The following CEMIP variants were observed in gnomAD, a reference collection of about 807,000 sequenced individuals.
The protein encoded by CEMIP is cell migration inducing hyaluronidase 1, also known as cell migration-inducing and hyaluronan-binding protein.
CEMIP carries 105 observed loss-of-function variants against 156.9 expected under a neutral mutation model. The observed-to-expected ratio is 0.67, with a 90% CI of 0.57 to 0.79. The LOEUF (loss-of-function observed/expected upper bound fraction) is 0.79. Ranked by LOEUF, CEMIP falls within the 30% of genes least tolerant of loss-of-function variation. CEMIP has a pLI of 0.00. For missense variants in CEMIP, 1,457 were observed against 1,769.4 expected (o/e 0.82, Z 3.17); for synonymous variants, 676 against 668.4 (o/e 1.01, Z -0.17).
At chr15:80,894,139 A>G (rs1230002925) in intron 10 of CEMIP, among the ~76,000 whole-genome samples, 2 of 152,176 alleles carry the variant, frequency 1.3e-5, no homozygotes, top group African/African-American at 4.8e-5. Flanking sequence ...GCTGGGGACA[A>G]GGGGGCAAAA....
intron 1 of CEMIP, among the ~76,000 whole-genome samples, chr15:80,815,696 T>C (rs898726708): frequency 6.6e-6 from 1 of 151,974 alleles, no homozygotes; most frequent in Non-Finnish European, 1.5e-5. Context: ...CTGTGCCTTT[T>C]AAAAAAAATT....
chr15:80,862,244 G>A (rs1898004467), intron 1 of CEMIP, among the ~76,000 whole-genome samples: 1 of 152,186 alleles, frequency 6.6e-6, no homozygotes, highest in African/African-American at 2.4e-5. Flanking sequence ...AGCCTGGGTT[G>A]GGCTGGTGGA....
intron 13 of CEMIP, among the ~76,000 whole-genome samples, chr15:80,908,510 T>C (rs1028140041): frequency 6.6e-6 from 1 of 152,186 alleles, no homozygotes; most frequent in Admixed American, 6.5e-5. Flanking sequence ...CAAGAGGTTT[T>C]CTTGAGCCTG....
chr15:80,842,070 G>A (rs377119567), intron 1 of CEMIP: 2 of 530,678 alleles, frequency 3.8e-6, no homozygotes, highest in African/African-American at 3.9e-5. Context: ...TGAGTTGCAT[G>A]TCTATCAGAA....
chr15:80,891,093 T>C (rs1899019362), intron 10 of CEMIP, among the ~76,000 whole-genome samples: 1 of 152,208 alleles, frequency 6.6e-6, no homozygotes, highest in Non-Finnish European at 1.5e-5. Context: ...ATCCCTCCAG[T>C]TCACTTGACC....
At chr15:80,812,650 A>G (rs1896697701) in intron 1 of CEMIP, among the ~76,000 whole-genome samples, 1 of 152,224 alleles carries the variant, frequency 6.6e-6, no homozygotes, top group South Asian at 2.1e-4. Flanking sequence ...TTACATTGGA[A>G]GAATTCTCAT....
rs558364816 is a variant in CEMIP at position 80,940,857 on chromosome 15, CTT to C, written c.3408-991_3408-990del. Among the ~76,000 whole-genome samples, 55 of 152,328 alleles carry C rather than the reference CTT, an allele frequency of 3.6e-4. 1 individual carries two copies. The South Asian group carries it at 0.011, about 31-fold the overall frequency. On this transcript the variant is annotated intron_variant, in intron 25 of 29. Coordinates refer to ENST00000394685, the MANE Select transcript of CEMIP (RefSeq NM_001293298.2). ...ACACATACGCACACACGCATGGCCT[CTT>C]GTTTCAGCTACTTGCTGCAAACTGC... is the stretch of plus-strand genomic sequence containing the variant.
chr15:80,780,315 A>G (rs532203964), intron 1 of CEMIP, among the ~76,000 whole-genome samples: 110 of 152,264 alleles, frequency 7.2e-4, no homozygotes, highest in African/African-American at 2.6e-3. Flanking sequence ...CGGCTCCAAG[A>G]AAGGTCGCGT....
intron 14 of CEMIP, among the ~76,000 whole-genome samples, chr15:80,916,353 C>T (rs11072955): frequency 0.73 from 111,326 of 152,130 alleles, 44,006 homozygotes; most frequent in Non-Finnish European, 0.87. Context: ...CTGGACCACA[C>T]GTAACAACAA....
chr15:80,790,814 G>T (rs941989065), intron 1 of CEMIP, among the ~76,000 whole-genome samples: 2 of 152,180 alleles, frequency 1.3e-5, no homozygotes, highest in African/African-American at 4.8e-5. Flanking sequence ...ATTCTTTCTA[G>T]ATACTTGGGT....
At position 80,951,544 on chromosome 15, in the gene CEMIP, T is replaced by C. The variant is rs1289409877; in HGVS notation, c.*2620T>C. 1 of 152,672 alleles carries C rather than the reference T, an allele frequency of 6.5e-6. No homozygotes were observed. Among genetic ancestry groups the C allele is most frequent in the East Asian group, 1.9e-4 (1 of 5,204 alleles). The allele number at this position is 152,672 out of a possible 1,614,324, so 9.5% of individuals were successfully genotyped here. A position where few individuals can be genotyped will look rare whatever the true frequency, so the allele number is the denominator to read the frequency against. ...GGGAGTTAGATGTATAGAGTGTTTG[T>C]ATGTAAACATTTCTTGTAGGCATCA... On this transcript the variant is annotated 3_prime_UTR_variant, in exon 30 of 30. Coordinates refer to ENST00000394685, the MANE Select transcript of CEMIP (RefSeq NM_001293298.2).
intron 6 of CEMIP, among the ~76,000 whole-genome samples, chr15:80,883,749 G>C (rs1898740583): frequency 6.6e-6 from 1 of 152,174 alleles, no homozygotes; most frequent in African/African-American, 2.4e-5. Context: ...GTTTTACTCG[G>C]ATCAGAGATA....
At chr15:80,805,016 G>A (rs1896478314) in intron 1 of CEMIP, among the ~76,000 whole-genome samples, 1 of 152,144 alleles carries the variant, frequency 6.6e-6, no homozygotes, top group Admixed American at 6.5e-5. Flanking sequence ...CCCTGGAACT[G>A]CACGTTTTCC....
chr15:80,818,204 G>A (rs1336852363), intron 1 of CEMIP, among the ~76,000 whole-genome samples: 1 of 152,220 alleles, frequency 6.6e-6, no homozygotes, highest in East Asian at 1.9e-4. Flanking sequence ...GTCTCTCACA[G>A]TCATGCAAGA....
At chr15:80,827,042 A>G (rs539952652) in intron 1 of CEMIP, among the ~76,000 whole-genome samples, 2 of 152,344 alleles carry the variant, frequency 1.3e-5, no homozygotes, top group South Asian at 2.1e-4. Context: ...TTCTAAGGTC[A>G]TAGTTCCTGC....
intron 1 of CEMIP, among the ~76,000 whole-genome samples, chr15:80,859,163 G>T (rs527881512): frequency 6.6e-6 from 1 of 152,192 alleles, no homozygotes; most frequent in Non-Finnish European, 1.5e-5. Context: ...TGGCCAGGCC[G>T]GGTCACATAT....
Position 80,920,129 on chromosome 15 carries a change from C to T in CEMIP, c.1833C>T (p.His611=), listed in dbSNP as rs1900417127. Residue 611 remains histidine, a synonymous_variant, in exon 15 of 30, where the codon CAC becomes CAT. Transcript: ENST00000394685. ...TTGTGGGCTATAACTCTTTGGGCCA[C>T]TGCTTCTTCACGGAAGATGGGCCGG... ...KDVVGYNSLG[H]CFFTEDGPEE... The T allele has an allele frequency of 6.2e-7, 1 of 1,614,242 alleles. No homozygotes were observed. Among genetic ancestry groups the T allele is most frequent in the Middle Eastern group, 1.6e-4 (1 of 6,062 alleles).
At chr15:80,786,556 C>CTGTG (rs3048927) in intron 1 of CEMIP, among the ~76,000 whole-genome samples, 3,115 of 140,674 alleles carry the variant, frequency 0.022, 58 homozygotes, top group African/African-American at 0.051. Context: ...GGATGTCTTG[C>CTGTG]TGTGTGTGTG....
At chr15:80,910,082 C>T (rs1174435151) in intron 14 of CEMIP, among the ~76,000 whole-genome samples, 2 of 152,220 alleles carry the variant, frequency 1.3e-5, no homozygotes, top group East Asian at 3.8e-4. Context: ...CAGAATGACA[C>T]CCTTTAAGCT....
Sources: gnomAD v4.1 joint callset for allele counts (sites outside exome capture counted in the v4.1 genomes callset) on GRCh38, gnomAD v4.1.1 for gene constraint, MANE v1.5 for transcripts, NCBI Gene and HGNC (gene_info 2026-07-23, HGNC 2026-07-21) for gene names.